Variants in ZFP30 observed in about 807,000 individuals in gnomAD.
The protein encoded by ZFP30 is zinc finger protein 30 homolog.
In ZFP30, 16 loss-of-function variants were observed where a neutral mutation model predicts 12.3. The observed-to-expected ratio is 1.30, with a 90% confidence interval of 0.88 to 1.98. The LOEUF is 1.98. ZFP30 is among the 30% of genes most tolerant of loss of function. ZFP30 has a pLI of 0.00. For missense variants in ZFP30, 560 were observed against 611.2 expected (o/e 0.92, Z 0.88); for synonymous variants, 172 against 201.0 (o/e 0.86, Z 1.22).
chr19:37,654,909 G>C (rs1464354687), intron 1 of ZFP30, 30 bp from the exon 2 acceptor site: 1 of 152,330 alleles, frequency 6.6e-6, no homozygotes, highest in Non-Finnish European at 1.5e-5. Context: ...CGACAGGGCA[G>C]AGGGTCAGCA....
chr19:37,642,992 G>A (rs113261956), intron 5 of ZFP30, among the ~76,000 whole-genome samples: 5 of 148,512 alleles, frequency 3.4e-5, no homozygotes, highest in Non-Finnish European at 5.9e-5. Context: ...GGCGGAGCTT[G>A]CAGTGAGCAG....
At chr19:37,641,450 CT>C (rs1165807158) in intron 5 of ZFP30, among the ~76,000 whole-genome samples, 28 of 152,132 alleles carry the variant, frequency 1.8e-4, no homozygotes, top group Admixed American at 1.8e-3. Context: ...AATGAAAAAC[CT>C]TTATAACAGA....
In ZFP30 at chr19:37,635,378, T is replaced by C; in HGVS notation, c.1163A>G (p.Gln388Arg). Reference sequence around the variant, plus strand: ...TTCTGAGTAACGACGAAAGAACTTCTGACATTCCTTACATTCATAGGGCTT... The same window carrying C: ...TTCTGAGTAACGACGAAAGAACTTCCGACATTCCTTACATTCATAGGGCTT... ...GEKPYECKEC[Q>R]KFFRRYSELI... The change falls in exon 6 of 6, where the codon CAG becomes CGG. Residue 388 changes from glutamine to arginine, a missense_variant. Transcript: ENST00000684514. 5 of 1,613,900 alleles carry C rather than the reference T, an allele frequency of 3.1e-6. No individual in the cohort carries two copies. The highest frequency in any genetic ancestry group is 4.2e-6 in the Non-Finnish European group (5 of 1,179,970).
chr19:37,641,243 A>T (rs2044428773), intron 5 of ZFP30, among the ~76,000 whole-genome samples: 1 of 152,174 alleles, frequency 6.6e-6, no homozygotes, highest in Admixed American at 6.5e-5. Flanking sequence ...CTACTTCATC[A>T]ATGTTCCTCT....
chr19:37,638,677 G>A (rs2044376686), intron 5 of ZFP30, among the ~76,000 whole-genome samples: 1 of 152,124 alleles, frequency 6.6e-6, no homozygotes, highest in South Asian at 2.1e-4. Flanking sequence ...ACAACTACAT[G>A]CAGCAAGGGC....
chr19:37,653,067 AGATTTCGGCATTG>A lies in ZFP30; in HGVS notation c.-78+1632_-78+1644del, dbSNP rs781341227. On this transcript the variant is annotated intron_variant, in intron 2 of 5. Coordinates refer to ENST00000684514, the MANE Select transcript of ZFP30 (RefSeq NM_001320669.3). The stretch of plus-strand genomic sequence containing the variant: ...GGGAGGCAGCGGTTGCAGTGAACTG[AGATTTCGGCATTG>A]CACTCCAACCCGGGCAACAAAATCG... Among the ~76,000 whole-genome samples, 19 of 151,002 alleles carry A rather than the reference AGATTTCGGCATTG, an allele frequency of 1.3e-4. No individual in the cohort carries two copies. The East Asian group carries it at 1.7e-3, about 14-fold the overall frequency.
chr19:37,652,775 T>C (rs2044676993), intron 2 of ZFP30, among the ~76,000 whole-genome samples: 1 of 152,104 alleles, frequency 6.6e-6, no homozygotes, highest in African/African-American at 2.4e-5. Flanking sequence ...TAAAAAGCTA[T>C]TCCAAAAAAT....
intron 2 of ZFP30, among the ~76,000 whole-genome samples, chr19:37,648,774 G>A (rs958750874): frequency 6.6e-6 from 1 of 152,146 alleles, no homozygotes; most frequent in Admixed American, 6.5e-5. Flanking sequence ...AAAACTGCAG[G>A]TGCACATTGG....
chr19:37,650,166 C>T (rs1193784037), intron 2 of ZFP30, among the ~76,000 whole-genome samples: 1 of 151,410 alleles, frequency 6.6e-6, no homozygotes, highest in East Asian at 1.9e-4. Context: ...GTCGCTCAGG[C>T]TAAAGTGCAA....
chr19:37,650,465 G>A (rs1355409093), intron 2 of ZFP30, among the ~76,000 whole-genome samples: 12 of 152,036 alleles, frequency 7.9e-5, no homozygotes, highest in African/African-American at 2.9e-4. Flanking sequence ...AAACAGCTAT[G>A]CAAGGAATAT....
rs73621535 is a variant in ZFP30, at chr19:37,647,815, C to G, written c.8G>C (p.Arg3Pro). ...AAGTAGAGAGAAATTCCAACTTACA[C>G]GAGCCATGATTTTAGAACTGCTAGA... is the stretch of plus-strand genomic sequence containing the variant. MA[R>P]DLVMFRDVAV... The change falls in exon 3 of 6, where the codon CGT becomes CCT. Residue 3 changes from arginine to proline, a missense_variant and splice_region_variant. Physicochemically the swap from Arg to Pro is moderately radical, Grantham distance 103 (BLOSUM62 -2). Coordinates refer to ENST00000684514, the MANE Select transcript of ZFP30 (RefSeq NM_001320669.3). The G allele has an allele frequency of 5.0e-6, 8 of 1,614,008 alleles. No individual in the cohort carries two copies. Among genetic ancestry groups the G allele is most frequent in the Admixed American group, 1.7e-5 (1 of 60,012 alleles).
chr19:37,655,194 A>T (rs1225042595), intron 1 of ZFP30: 1 of 152,238 alleles, frequency 6.6e-6, no homozygotes, highest in African/African-American at 2.4e-5. Context: ...CAACTGCACC[A>T]CAGGCCGCAC....
At position 37,633,006 on chromosome 19, in the gene ZFP30, A is replaced by G. The variant is rs1366686697; in HGVS notation, c.*1975T>C. The G allele has an allele frequency of 6.6e-6, 1 of 152,114 alleles. No homozygotes were observed. The highest frequency in any genetic ancestry group is 2.4e-5 in the African/African-American group (1 of 41,418). The allele number at this position is 152,114 out of a possible 1,614,324, so 9.4% of individuals were successfully genotyped here. ...GCCAACATGGTGAAACCCCATCTCT[A>G]CTAAAAATACAAAAATCAACCTGGT... On this transcript the variant is annotated 3_prime_UTR_variant, in exon 6 of 6. Transcript: ENST00000684514.
At position 37,631,681 on chromosome 19, in the gene ZFP30, A is replaced by C. The variant is rs2044235531; in HGVS notation, c.*3300T>G. On this transcript the variant is annotated 3_prime_UTR_variant, in exon 6 of 6. Transcript: ENST00000684514. Reference sequence around the variant, plus strand: ...TTCCATTCTTAATACATAGAAAGCTAAAAAAAAAAAAAAAAAAAAGACAAT... The same window carrying C: ...TTCCATTCTTAATACATAGAAAGCTCAAAAAAAAAAAAAAAAAAAGACAAT... 7.0e-5 allele frequency: 2 copies of C among 28,394 alleles called. No individual in the cohort carries two copies. The highest frequency in any genetic ancestry group is 4.1e-3 in the South Asian group (2 of 490). The allele number at this position is 28,394 out of a possible 1,614,324, so 1.8% of individuals were successfully genotyped here. A position where few individuals can be genotyped will look rare whatever the true frequency, so the allele number is the denominator to read the frequency against.
rs1306854165 is a variant in ZFP30 at position 37,635,659 on chromosome 19, AGCAAT to A, written c.877_881del (p.Ile293Ter). ...ATTCCTTACACTCATAGCACTTCTC[AGCAAT>A]GTTCAGTCTCTGATGTCGAGTAAGG... On this transcript the variant is annotated frameshift_variant, in exon 6 of 6. Coordinates refer to ENST00000684514, the MANE Select transcript of ZFP30 (RefSeq NM_001320669.3). LOFTEE classifies it low-confidence loss of function (END_TRUNC). 10 of 1,614,148 alleles carry A rather than the reference AGCAAT, an allele frequency of 6.2e-6. No homozygotes were observed. Among genetic ancestry groups the A allele is most frequent in the Non-Finnish European group, 8.5e-6 (10 of 1,180,032 alleles).
intron 2 of ZFP30, among the ~76,000 whole-genome samples, chr19:37,651,702 T>C (rs767716246): frequency 6.6e-6 from 1 of 152,160 alleles, no homozygotes; most frequent in Admixed American, 6.5e-5. Flanking sequence ...TTCCTAAATA[T>C]GCCTAACTCT....
At position 37,635,367 on chromosome 19, in the gene ZFP30, G is replaced by C. The variant is rs574706417; in HGVS notation, c.1174C>G (p.Arg392Gly). Residue 392 changes from arginine to glycine, a missense_variant, in exon 6 of 6, where the codon CGT becomes GGT. By Grantham distance (125) the Arg-to-Gly change is moderately radical. Transcript: ENST00000684514. Reference sequence around the variant, plus strand: ...TGTGAAATAAGTTCTGAGTAACGACGAAAGAACTTCTGACATTCCTTACAT... The same window carrying C: ...TGTGAAATAAGTTCTGAGTAACGACCAAAGAACTTCTGACATTCCTTACAT... ...YECKECQKFF[R>G]RYSELISHQG... is the part of the protein sequence containing the mutation. The C allele has an allele frequency of 3.1e-6, 5 of 1,612,676 alleles. No individual in the cohort carries two copies. Among genetic ancestry groups the C allele is most frequent in the East Asian group, 4.5e-5 (2 of 44,748 alleles).
At chr19:37,650,821 G>A (rs1378825939) in intron 2 of ZFP30, among the ~76,000 whole-genome samples, 4 of 150,034 alleles carry the variant, frequency 2.7e-5, no homozygotes, top group South Asian at 2.1e-4. Flanking sequence ...TGCAACCTCC[G>A]CCTCCTGGGT....
At chr19:37,636,595 G>A (rs2044332691) in intron 5 of ZFP30, among the ~76,000 whole-genome samples, 1 of 152,094 alleles carries the variant, frequency 6.6e-6, no homozygotes, top group African/African-American at 2.4e-5. Context: ...ACTTTATCAG[G>A]AGTAACATGG....
Sources: allele counts gnomAD v4.1 joint callset (sites outside exome capture counted in the v4.1 genomes callset), GRCh38; gene constraint gnomAD v4.1.1; transcripts MANE v1.5; gene names NCBI Gene and HGNC (gene_info 2026-07-23, HGNC 2026-07-21).